Variants in LRMDA observed in about 807,000 individuals in gnomAD.
The protein encoded by LRMDA is leucine rich melanocyte differentiation associated.
LRMDA carries 18 observed loss-of-function variants against 29.8 expected under a neutral mutation model. The ratio of observed to expected loss-of-function variants is 0.60; its 90% CI spans 0.42 to 0.90. The LOEUF (loss-of-function observed/expected upper bound fraction) is 0.90, where lower values mean the gene tolerates loss of function less well. Among genes scored for constraint, LRMDA ranks in the 40% least tolerant of loss-of-function variants. LRMDA has a pLI of 0.00. For missense variants in LRMDA, 273 were observed against 273.9 expected (o/e 1.00, Z 0.02); for synonymous variants, 125 against 109.4 (o/e 1.14, Z -0.89).
intron 2 of LRMDA, among the ~76,000 whole-genome samples, chr10:75,577,551 C>A (rs1030497001): frequency 6.6e-6 from 1 of 152,120 alleles, no homozygotes; most frequent in Non-Finnish European, 1.5e-5. Flanking sequence ...CGTGAAGATA[C>A]TCCTGGAGAA....
At chr10:75,708,175 G>A (rs1227014121) in intron 2 of LRMDA, among the ~76,000 whole-genome samples, 2 of 152,066 alleles carry the variant, frequency 1.3e-5, no homozygotes, top group African/African-American at 2.4e-5. Context: ...GTACAGCTTC[G>A]AGAGCCCTTG....
intron 2 of LRMDA, among the ~76,000 whole-genome samples, chr10:75,701,264 C>T (rs963444759): frequency 2.6e-5 from 4 of 152,196 alleles, no homozygotes; most frequent in Non-Finnish European, 1.5e-5. Context: ...TTGTGAGCAA[C>T]AACTCCTCTT....
intron 5 of LRMDA, among the ~76,000 whole-genome samples, chr10:76,238,527 A>T (rs558633552): frequency 7.5e-6 from 1 of 133,030 alleles, no homozygotes; most frequent in East Asian, 2.2e-4. Flanking sequence ...TGTCTATTGC[A>T]TATCTGTTAT....
chr10:76,322,788 T>G (rs574323209), intron 5 of LRMDA, among the ~76,000 whole-genome samples: 18 of 152,270 alleles, frequency 1.2e-4, no homozygotes, highest in Middle Eastern at 6.8e-3. Flanking sequence ...CAGCTATGGC[T>G]TCCTATGGAG....
intron 5 of LRMDA, among the ~76,000 whole-genome samples, chr10:76,086,984 G>A (rs889572832): frequency 7.9e-5 from 12 of 152,178 alleles, no homozygotes; most frequent in African/African-American, 2.4e-4. Context: ...GGGGAGAGAC[G>A]TTCTTTGGCT....
intron 6 of LRMDA, among the ~76,000 whole-genome samples, chr10:76,467,993 A>G (rs1289375937): frequency 6.6e-6 from 1 of 152,216 alleles, no homozygotes; most frequent in African/African-American, 2.4e-5. Flanking sequence ...TCCAATGTCA[A>G]CAGTCATTTA....
At chr10:75,839,258 G>A (rs1171481037) in intron 2 of LRMDA, among the ~76,000 whole-genome samples, 3 of 152,202 alleles carry the variant, frequency 2.0e-5, no homozygotes, top group African/African-American at 7.2e-5. Flanking sequence ...AGAAATAGGT[G>A]CAGCATGCTG....
chr10:76,383,858 G>A (rs1002529739), intron 6 of LRMDA, among the ~76,000 whole-genome samples: 2 of 152,178 alleles, frequency 1.3e-5, no homozygotes, highest in Non-Finnish European at 2.9e-5. Context: ...GAGGTCTTCT[G>A]AGACCACTCA....
intron 5 of LRMDA, among the ~76,000 whole-genome samples, chr10:76,274,232 A>G (rs1198412630): frequency 1.3e-5 from 2 of 152,172 alleles, no homozygotes; most frequent in African/African-American, 4.8e-5. Flanking sequence ...ATACTTGCCC[A>G]TATTTCCTCC....
chr10:76,325,615 A>G (rs778764815), intron 6 of LRMDA, among the ~76,000 whole-genome samples: 26 of 152,152 alleles, frequency 1.7e-4, no homozygotes, highest in Non-Finnish European at 3.2e-4. Context: ...GGAGCAACAA[A>G]TTAACCCTTA....
At chr10:76,344,902 G>GA (rs202054799) in intron 6 of LRMDA, among the ~76,000 whole-genome samples, 224 of 130,712 alleles carry the variant, frequency 1.7e-3, no homozygotes, top group African/African-American at 3.2e-3. Flanking sequence ...AATTTTAAGT[G>GA]AAAAAAAAAA....
chr10:76,511,390 T>A (rs1012467115), intron 6 of LRMDA, among the ~76,000 whole-genome samples: 3 of 151,928 alleles, frequency 2.0e-5, no homozygotes, highest in Non-Finnish European at 4.4e-5. Flanking sequence ...GGCTTGCTCA[T>A]GTGTGAGGGG....
intron 6 of LRMDA, among the ~76,000 whole-genome samples, chr10:76,416,472 C>A (rs1017882384): frequency 3.4e-4 from 52 of 152,184 alleles, no homozygotes; most frequent in African/African-American, 1.2e-3. Context: ...ACCTACTATG[C>A]TGCCTTTTTT....
chr10:76,186,437 C>G (rs1589368074), intron 5 of LRMDA, among the ~76,000 whole-genome samples: 3 of 152,320 alleles, frequency 2.0e-5, no homozygotes, highest in Admixed American at 2.0e-4. Flanking sequence ...TCAAGTGAAA[C>G]TTTACCACCT....
At chr10:76,052,413 C>G (rs1201546803) in intron 4 of LRMDA, among the ~76,000 whole-genome samples, 1 of 152,046 alleles carries the variant, frequency 6.6e-6, no homozygotes, top group African/African-American at 2.4e-5. Context: ...GTAAGGTGTT[C>G]CTGGGGAGCA....
chr10:76,528,838 G>A (rs2132371164), intron 6 of LRMDA, among the ~76,000 whole-genome samples: 1 of 152,180 alleles, frequency 6.6e-6, no homozygotes, highest in Middle Eastern at 3.4e-3. Context: ...CCTCAAGTTT[G>A]ATTTATGGTC....
chr10:76,286,784 A>G (rs1840276879), intron 5 of LRMDA, among the ~76,000 whole-genome samples: 1 of 152,126 alleles, frequency 6.6e-6, no homozygotes, highest in South Asian at 2.1e-4. Flanking sequence ...AACTTAAAGG[A>G]TTTGTTTATT....
At chr10:76,172,129 A>G (rs1451608333) in intron 5 of LRMDA, among the ~76,000 whole-genome samples, 1 of 152,182 alleles carries the variant, frequency 6.6e-6, no homozygotes, top group Non-Finnish European at 1.5e-5. Flanking sequence ...GAACTCACTC[A>G]CCACTGTAGG....
At chr10:75,922,219 C>T (rs1324377746) in intron 2 of LRMDA, among the ~76,000 whole-genome samples, 1 of 152,178 alleles carries the variant, frequency 6.6e-6, no homozygotes, top group African/African-American at 2.4e-5. Context: ...TGGAAAATTG[C>T]TCACTATTTA....
Sources: gnomAD v4.1 joint callset for allele counts (sites outside exome capture counted in the v4.1 genomes callset) on GRCh38, gnomAD v4.1.1 for gene constraint, MANE v1.5 for transcripts, NCBI Gene and HGNC (gene_info 2026-07-23, HGNC 2026-07-21) for gene names.